Variants in PIK3C3 observed in about 807,000 individuals in gnomAD.
PIK3C3 encodes the protein phosphatidylinositol 3-kinase catalytic subunit type 3.
In PIK3C3, 95 loss-of-function variants were observed where a neutral mutation model predicts 126.1. The ratio of observed to expected loss-of-function variants is 0.75; its 90% CI spans 0.64 to 0.89. PIK3C3 has a LOEUF of 0.89. Ranked by LOEUF, PIK3C3 falls within the 40% of genes least tolerant of loss-of-function variation. The probability of loss-of-function intolerance (pLI) is 0.00; values close to 1 mark genes in which losing one functional copy is unlikely to be tolerated. For synonymous variants in PIK3C3, 374 were observed against 360.0 expected (o/e 1.04, Z -0.44); for missense variants, 829 against 1,063.2 (o/e 0.78, Z 3.06).
At chr18:42,043,224 G>A (rs493100) in intron 19 of PIK3C3, among the ~76,000 whole-genome samples, 12,203 of 151,282 alleles carry the variant, frequency 0.081, 1,617 homozygotes, top group African/African-American at 0.28. Flanking sequence ...TCAGCCTCCC[G>A]AGCAGCTGGG....
At chr18:42,072,287 A>G (rs1027907535) in intron 24 of PIK3C3, among the ~76,000 whole-genome samples, 1 of 152,234 alleles carries the variant, frequency 6.6e-6, no homozygotes, top group South Asian at 2.1e-4. Flanking sequence ...AAAGAATTAC[A>G]GATATTTCAG....
intron 4 of PIK3C3, among the ~76,000 whole-genome samples, chr18:41,977,669 G>C (rs1391536189): frequency 6.6e-6 from 1 of 152,020 alleles, no homozygotes; most frequent in Non-Finnish European, 1.5e-5. Context: ...TGTAATTGTA[G>C]AGACAGGGTT....
chr18:42,000,831 A>T (rs2144374748), intron 9 of PIK3C3, among the ~76,000 whole-genome samples: 1 of 152,288 alleles, frequency 6.6e-6, no homozygotes, highest in Non-Finnish European at 1.5e-5. Flanking sequence ...ACAGCATGAG[A>T]AAGACCTGCC....
At chr18:41,988,859 T>C (rs1981629548) in intron 5 of PIK3C3, among the ~76,000 whole-genome samples, 1 of 152,172 alleles carries the variant, frequency 6.6e-6, no homozygotes, top group Non-Finnish European at 1.5e-5. Context: ...AAAAAGAGTT[T>C]ACTCATAATA....
chr18:42,012,048 A>T (rs1982849472), intron 10 of PIK3C3, among the ~76,000 whole-genome samples: 1 of 152,148 alleles, frequency 6.6e-6, no homozygotes, highest in South Asian at 2.1e-4. Flanking sequence ...TAACAGATAA[A>T]ATAATAATGA....
In PIK3C3 at chr18:41,955,243, T is replaced by C. The variant is rs1191036853; in HGVS notation, c.-49T>C. ...CTCAGCTGGTTCATTTATGTTGTTTTTCCTGTACCTAAGTTCCCGCTGTAG... is the reference window on the plus strand; with the variant it reads ...CTCAGCTGGTTCATTTATGTTGTTTCTCCTGTACCTAAGTTCCCGCTGTAG... On this transcript the variant is annotated 5_prime_UTR_variant, in exon 1 of 25. Transcript: ENST00000262039. The C allele has an allele frequency of 6.6e-6, 10 of 1,519,122 alleles. No individual in the cohort carries two copies. The African/African-American group carries it at 1.2e-4, about 19-fold the overall frequency. The allele number at this position is 1,519,122 out of a possible 1,614,324, so 94.1% of individuals were successfully genotyped here. A position where few individuals can be genotyped will look rare whatever the true frequency, so the allele number is the denominator to read the frequency against.
intron 15 of PIK3C3, among the ~76,000 whole-genome samples, chr18:42,029,654 T>G (rs1203952562): frequency 1.4e-5 from 2 of 147,952 alleles, no homozygotes; most frequent in African/African-American, 5.0e-5. Context: ...TCAATTCTCA[T>G]GCCCCAGCCT....
chr18:41,966,959 T>C (rs1024718424), intron 3 of PIK3C3, among the ~76,000 whole-genome samples: 2 of 152,138 alleles, frequency 1.3e-5, no homozygotes, highest in Non-Finnish European at 2.9e-5. Context: ...AATCACCAAC[T>C]CCTGTTCCCC....
At chr18:42,010,888 C>T (rs545919576) in intron 10 of PIK3C3, among the ~76,000 whole-genome samples, 51 of 152,232 alleles carry the variant, frequency 3.4e-4, no homozygotes, top group South Asian at 1.0e-3. Context: ...ACTTGAAAGT[C>T]GAAATGACTT....
intron 9 of PIK3C3, 126 bp from the exon 10 acceptor site, chr18:42,004,227 GTGC>G (rs1982428760): frequency 3.1e-6 from 2 of 645,324 alleles, no homozygotes; most frequent in African/African-American, 3.7e-5. Flanking sequence ...ACTTCATTTA[GTGC>G]TTACACAAGG....
chr18:41,999,894 G>A lies in PIK3C3; in HGVS notation c.984+3164G>A, dbSNP rs1270936687. ...GGGCAGGAAAGCATGAGTAAGGTAG[G>A]CTGTTAGGTTCAGGAAACAGTTTTG... is the stretch of plus-strand genomic sequence containing the variant. On this transcript the variant is annotated intron_variant, in intron 9 of 24. Coordinates refer to ENST00000262039, the MANE Select transcript of PIK3C3 (RefSeq NM_002647.4). 2.0e-5 allele frequency among the ~76,000 whole-genome samples: 3 copies of A among 152,080 alleles called. No individual in the cohort carries two copies. In the East Asian group the frequency reaches 5.8e-4, roughly 29 times the overall value.
chr18:42,031,582 G>A (rs559055373), intron 15 of PIK3C3, among the ~76,000 whole-genome samples: 2 of 152,060 alleles, frequency 1.3e-5, no homozygotes, highest in Non-Finnish European at 2.9e-5. Flanking sequence ...GCACCACCAC[G>A]CCTGGCTAAT....
intron 4 of PIK3C3, among the ~76,000 whole-genome samples, chr18:41,972,476 C>T (rs1468260198): frequency 6.6e-6 from 1 of 152,054 alleles, no homozygotes. Context: ...GTTTGTAAAT[C>T]TTTAAAATGG....
chr18:42,041,455 G>C (rs1984314376), intron 19 of PIK3C3, among the ~76,000 whole-genome samples: 2 of 149,550 alleles, frequency 1.3e-5, no homozygotes, highest in South Asian at 4.2e-4. Flanking sequence ...AAAGGTGAGT[G>C]GTTCTGTGAC....
chr18:42,007,564 A>G (rs1982613006), intron 10 of PIK3C3, among the ~76,000 whole-genome samples: 1 of 152,116 alleles, frequency 6.6e-6, no homozygotes, highest in Non-Finnish European at 1.5e-5. Flanking sequence ...AATCATATAC[A>G]TTCTTAACAT....
intron 21 of PIK3C3, chr18:42,057,655 C>T (rs1401351903): frequency 2.2e-6 from 1 of 456,518 alleles, no homozygotes; most frequent in Non-Finnish European, 3.8e-6. Context: ...ATTACTGTGA[C>T]ATGATTTTAG....
intron 24 of PIK3C3, among the ~76,000 whole-genome samples, chr18:42,080,732 T>C (rs1481287047): frequency 6.6e-6 from 1 of 152,130 alleles, no homozygotes; most frequent in Admixed American, 6.5e-5. Flanking sequence ...AAGCTACAGG[T>C]TTTCACAGCC....
At chr18:42,046,409 G>GGA (rs1280275838) in intron 20 of PIK3C3, among the ~76,000 whole-genome samples, 1 of 151,978 alleles carries the variant, frequency 6.6e-6, no homozygotes, top group Non-Finnish European at 1.5e-5. Context: ...GCTAAATGTG[G>GGA]GAATACTGTT....
At chr18:42,079,610 A>G (rs1431858139) in intron 24 of PIK3C3, among the ~76,000 whole-genome samples, 4 of 152,308 alleles carry the variant, frequency 2.6e-5, no homozygotes, top group Admixed American at 1.3e-4. Context: ...AGTATCTGTG[A>G]GGTGCAGTAA....
Sources: allele counts gnomAD v4.1 joint callset (sites outside exome capture counted in the v4.1 genomes callset), GRCh38; gene constraint gnomAD v4.1.1; transcripts MANE v1.5; gene names NCBI Gene and HGNC (gene_info 2026-07-23, HGNC 2026-07-21).